SBF2: variants seen among roughly 807,000 people sequenced by gnomAD.
SBF2 encodes myotubularin-related protein 13.
Under a neutral mutation model 225.2 loss-of-function variants are expected in SBF2, and 112 were observed. The observed-to-expected ratio is 0.50, with a 90% confidence interval of 0.43 to 0.58. The LOEUF is 0.58. Among genes scored for constraint, SBF2 ranks in the 20% least tolerant of loss-of-function variants. The pLI is 0.00. For synonymous variants in SBF2, 763 were observed against 773.3 expected (o/e 0.99, Z 0.22); for missense variants, 1,996 against 2,206.2 (o/e 0.90, Z 1.91).
chr11:10,278,004 T>C (rs771279919), intron 1 of SBF2, among the ~76,000 whole-genome samples: 5 of 152,190 alleles, frequency 3.3e-5, no homozygotes, highest in South Asian at 2.1e-4. Context: ...CTAAGCACTA[T>C]TGTTTAAACA....
At chr11:9,785,706 A>G (rs12786198) in intron 36 of SBF2, among the ~76,000 whole-genome samples, 51,507 of 151,892 alleles carry the variant, frequency 0.34, 9,321 homozygotes, top group Non-Finnish European at 0.4. Context: ...TACAAAAAAT[A>G]TTTTAAAAAT....
rs144338502 is a variant in SBF2 at position 9,873,397 on chromosome 11, T to G, written c.1930-15001A>C. ...GGAAACAAAGCTAAGAAGATTATGG[T>G]GTATGCTGCTAACTTCATTTCAGGG... On this transcript the variant is annotated intron_variant, in intron 17 of 39. Coordinates refer to ENST00000256190, the MANE Select transcript of SBF2 (RefSeq NM_030962.4). 1.1e-4 allele frequency among the ~76,000 whole-genome samples: 17 copies of G among 152,204 alleles called. No homozygotes were observed. The East Asian group carries it at 2.9e-3, about 26-fold the overall frequency.
At chr11:10,063,758 C>A (rs968476863) in intron 2 of SBF2, among the ~76,000 whole-genome samples, 5 of 151,504 alleles carry the variant, frequency 3.3e-5, no homozygotes, top group Admixed American at 1.3e-4. Flanking sequence ...ATGATATTCA[C>A]AACAGATTAG....
intron 33 of SBF2, among the ~76,000 whole-genome samples, chr11:9,794,155 C>T (rs911112241): frequency 4.0e-5 from 6 of 151,780 alleles, no homozygotes; most frequent in East Asian, 3.9e-4. Flanking sequence ...GCACTCCAGC[C>T]GGGGAGACAG....
chr11:10,132,734 G>C (rs1260466717), intron 2 of SBF2, among the ~76,000 whole-genome samples: 1 of 148,852 alleles, frequency 6.7e-6, no homozygotes, highest in Non-Finnish European at 1.5e-5. Context: ...CGAGCGGGTT[G>C]CCAATGCTGG....
chr11:10,226,740 T>G (rs959150288), intron 1 of SBF2, among the ~76,000 whole-genome samples: 1 of 152,212 alleles, frequency 6.6e-6, no homozygotes, highest in African/African-American at 2.4e-5. Context: ...TGTTGGACAT[T>G]TGGCTTGGTT....
At chr11:9,788,025 C>T (rs760955248) in intron 35 of SBF2, 1 of 431,822 alleles carries the variant, frequency 2.3e-6, no homozygotes, top group Middle Eastern at 6.9e-4. Flanking sequence ...GACATCTGCA[C>T]CCTTGGGCAG....
At chr11:10,288,580 A>G (rs752389520) in intron 1 of SBF2, among the ~76,000 whole-genome samples, 13 of 151,920 alleles carry the variant, frequency 8.6e-5, no homozygotes, top group Non-Finnish European at 1.9e-4. Context: ...TGCAGCTCTC[A>G]GCAGAGAGGT....
At chr11:10,131,799 AT>A (rs1237625496) in intron 2 of SBF2, among the ~76,000 whole-genome samples, 3 of 152,196 alleles carry the variant, frequency 2.0e-5, no homozygotes, top group Admixed American at 2.0e-4. Flanking sequence ...GTTTGCCAAT[AT>A]TTTATCCTAG....
chr11:10,215,977 A>G (rs1219399505), intron 1 of SBF2, among the ~76,000 whole-genome samples: 1 of 152,214 alleles, frequency 6.6e-6, no homozygotes. Context: ...GCTTTTAAGT[A>G]TACTGTCCCT....
rs368091576 is a variant in SBF2 at position 9,953,297 on chromosome 11, G to A, written c.1860+8660C>T. On this transcript the variant is annotated intron_variant, in intron 16 of 39. Coordinates refer to ENST00000256190, the MANE Select transcript of SBF2 (RefSeq NM_030962.4). The stretch of plus-strand genomic sequence containing the variant: ...CATCTCTACTAAAAATACAAAAATT[G>A]GCCAGGCGTGGTGGCATGCGCCTGT... Among the ~76,000 whole-genome samples the A allele has an allele frequency of 4.9e-3, 744 of 152,112 alleles. 5 individuals are homozygous for A. The highest frequency in any genetic ancestry group is 0.017 in the African/African-American group (705 of 41,512).
rs138120231 is a variant in SBF2, at chr11:9,858,359, C to G, written c.1967G>C (p.Cys656Ser). ...TGTCCAAATGGGGTGGTCTTGTACA[C>G]ACGTGTAAGCAAACTGGCTGACTCC... The part of the protein sequence containing the change: ...APGVSQFAYT[C>S]VQDHPIWTNQ... Residue 656 changes from cysteine to serine, a missense_variant, in exon 18 of 40, where the codon TGT becomes TCT. By Grantham distance (112) the Cys-to-Ser change is moderately radical. Transcript: ENST00000256190. 642 of 1,614,136 alleles carry G rather than the reference C, an allele frequency of 4.0e-4. No individual in the cohort carries two copies. Among genetic ancestry groups the G allele is most frequent in the Admixed American group, 7.2e-4 (43 of 60,024 alleles).
At chr11:9,781,430 G>A (rs1480718235) in intron 39 of SBF2, 77 bp downstream of exon 39, 20 of 1,590,108 alleles carry the variant, frequency 1.3e-5, no homozygotes, top group East Asian at 2.2e-5. Flanking sequence ...CAATTACTCT[G>A]AGGGCTCCAT....
chr11:9,994,991 C>T (rs771646487), intron 9 of SBF2, among the ~76,000 whole-genome samples: 10 of 150,210 alleles, frequency 6.7e-5, no homozygotes, highest in East Asian at 3.9e-4. Context: ...GAGCTGAGAT[C>T]GCACCACTGC....
At chr11:10,299,212 C>T (rs1460756257), upstream of SBF2, among the ~76,000 whole-genome samples, 5 of 151,834 alleles carry the variant, frequency 3.3e-5, no homozygotes, top group Non-Finnish European at 5.9e-5. Flanking sequence ...GTGGCGGGCA[C>T]CTGTAGTCCC....
intron 1 of SBF2, among the ~76,000 whole-genome samples, chr11:10,228,147 T>G (rs531264787): frequency 1.3e-5 from 2 of 152,086 alleles, no homozygotes; most frequent in African/African-American, 4.8e-5. Context: ...TATAAGAATG[T>G]TTGTGATTTT....
chr11:10,102,951 T>C (rs1952375637), intron 2 of SBF2, among the ~76,000 whole-genome samples: 1 of 152,182 alleles, frequency 6.6e-6, no homozygotes, highest in Non-Finnish European at 1.5e-5. Flanking sequence ...ATAAAATTTT[T>C]CTCTTTTGAA....
chr11:10,123,610 C>T lies in SBF2; in HGVS notation c.141+70292G>A, dbSNP rs143185504. Among the ~76,000 whole-genome samples the T allele has an allele frequency of 5.4e-4, 82 of 151,830 alleles. No homozygotes were observed. The East Asian group carries it at 0.013, about 25-fold the overall frequency. ...CTAACAGTGCCTAATGGTTATAGAT[C>T]TCCACTAGTTCCTGTTGTATTCAGA... On this transcript the variant is annotated intron_variant, in intron 2 of 39. Coordinates refer to ENST00000256190, the MANE Select transcript of SBF2 (RefSeq NM_030962.4).
chr11:9,958,762 C>G, intron 16 of SBF2: 1 of 465,928 alleles, frequency 2.1e-6, no homozygotes, highest in South Asian at 1.9e-5. Context: ...TGGAAGGGCT[C>G]AACTCCGGTT....
Sources: gnomAD v4.1 joint callset for allele counts (sites outside exome capture counted in the v4.1 genomes callset) on GRCh38, gnomAD v4.1.1 for gene constraint, MANE v1.5 for transcripts, NCBI Gene and HGNC (gene_info 2026-07-23, HGNC 2026-07-21) for gene names.